Variants in PARD3 observed in about 807,000 individuals in gnomAD.
The protein encoded by PARD3 is par-3 family cell polarity regulator, also known as partitioning defective 3 homolog.
A neutral mutation model predicts 155.4 loss-of-function variants in PARD3; 75 were observed. The ratio of observed to expected loss-of-function variants is 0.48; its 90% CI spans 0.40 to 0.58. PARD3 has a LOEUF of 0.58. Among genes scored for constraint, PARD3 ranks in the 20% least tolerant of loss-of-function variants. The pLI, the probability that PARD3 is intolerant of heterozygous loss-of-function variation, is 0.00. For synonymous variants in PARD3, 576 were observed against 610.5 expected (o/e 0.94, Z 0.83); for missense variants, 1,642 against 1,721.7 (o/e 0.95, Z 0.82).
In PARD3 at chr10:34,155,992, T is replaced by C. The variant is rs527583125; in HGVS notation, c.3420-24409A>G. On this transcript the variant is annotated intron_variant, in intron 22 of 24. Coordinates refer to ENST00000374788, the MANE Select transcript of PARD3 (RefSeq NM_001184785.2). The stretch of plus-strand genomic sequence containing the variant: ...AGCTCCCACCTGATCTGGAGGCTGC[T>C]CCCACTCTGATAATTTTAAGACAGT... Among the ~76,000 whole-genome samples, 4 of 152,226 alleles carry C rather than the reference T, an allele frequency of 2.6e-5. No homozygotes were observed. In the East Asian group the frequency reaches 7.7e-4, roughly 29 times the overall value.
intron 1 of PARD3, among the ~76,000 whole-genome samples, chr10:34,725,153 CAGAGAGAGAG>C (rs34163907): frequency 3.1e-5 from 4 of 127,466 alleles, no homozygotes; most frequent in African/African-American, 1.3e-4. Context: ...GTGTGTGTGA[CAGAGAGAGAG>C]AGAGAGAGAG....
At chr10:34,688,282 C>A (rs958746124) in intron 2 of PARD3, among the ~76,000 whole-genome samples, 1 of 152,158 alleles carries the variant, frequency 6.6e-6, no homozygotes, top group African/African-American at 2.4e-5. Context: ...TGCTGTACTA[C>A]CCACAGGGAA....
intron 22 of PARD3, among the ~76,000 whole-genome samples, chr10:34,210,422 T>TG (rs1379306119): frequency 6.6e-6 from 1 of 152,156 alleles, no homozygotes; most frequent in African/African-American, 2.4e-5. Flanking sequence ...AGACATTTGG[T>TG]GGGCAGAGTG....
intron 22 of PARD3, among the ~76,000 whole-genome samples, chr10:34,139,532 G>A (rs1264175699): frequency 6.6e-6 from 1 of 152,084 alleles, no homozygotes; most frequent in East Asian, 1.9e-4. Flanking sequence ...TATTTTACTT[G>A]TACCAATGGT....
intron 1 of PARD3, among the ~76,000 whole-genome samples, chr10:34,808,569 T>C (rs935942413): frequency 6.6e-6 from 1 of 152,128 alleles, no homozygotes; most frequent in Non-Finnish European, 1.5e-5. Flanking sequence ...GGGCTTAGCA[T>C]GCCATCTCCC....
At chr10:34,487,407 T>A (rs534867747) in intron 3 of PARD3, among the ~76,000 whole-genome samples, 35 of 151,936 alleles carry the variant, frequency 2.3e-4, no homozygotes, top group Non-Finnish European at 4.3e-4. Context: ...ATAAATAAAT[T>A]AAGAAAATGA....
At chr10:34,592,374 A>C (rs369782417) in intron 2 of PARD3, among the ~76,000 whole-genome samples, 1 of 152,236 alleles carries the variant, frequency 6.6e-6, no homozygotes, top group African/African-American at 2.4e-5. Context: ...CATGGACTGA[A>C]TAACTGACAT....
intron 2 of PARD3, among the ~76,000 whole-genome samples, chr10:34,687,043 T>C (rs911844479): frequency 6.6e-6 from 1 of 151,924 alleles, no homozygotes; most frequent in South Asian, 2.1e-4. Context: ...AGCAAGACTC[T>C]GTCTCAAAAA....
At chr10:34,408,152 A>G (rs1010901371) in intron 5 of PARD3, among the ~76,000 whole-genome samples, 2 of 152,148 alleles carry the variant, frequency 1.3e-5, no homozygotes, top group Non-Finnish European at 2.9e-5. Flanking sequence ...ATAAAAACTT[A>G]AAGTTATACT....
intron 2 of PARD3, among the ~76,000 whole-genome samples, chr10:34,628,404 T>A (rs2092090108): frequency 6.6e-6 from 1 of 152,224 alleles, no homozygotes; most frequent in Non-Finnish European, 1.5e-5. Context: ...CTGCTACAAT[T>A]TAGGTGAAGG....
At chr10:34,508,231 G>A (rs1443567605) in intron 3 of PARD3, among the ~76,000 whole-genome samples, 1 of 151,774 alleles carries the variant, frequency 6.6e-6, no homozygotes, top group Non-Finnish European at 1.5e-5. Context: ...CCAAGTAATG[G>A]ATAAAAATTA....
intron 1 of PARD3, among the ~76,000 whole-genome samples, chr10:34,736,175 G>A (rs1173043026): frequency 6.6e-6 from 1 of 151,146 alleles, no homozygotes; most frequent in Admixed American, 6.6e-5. Context: ...GGGACTACAG[G>A]TGCCCACCAC....
chr10:34,754,298 G>A (rs981118570), intron 1 of PARD3, among the ~76,000 whole-genome samples: 1 of 152,176 alleles, frequency 6.6e-6, no homozygotes, highest in Non-Finnish European at 1.5e-5. Flanking sequence ...GAACCACCAT[G>A]CCTGGCCTGG....
intron 1 of PARD3, among the ~76,000 whole-genome samples, chr10:34,800,769 C>G (rs1814955479): frequency 6.6e-6 from 1 of 152,066 alleles, no homozygotes; most frequent in Admixed American, 6.6e-5. Flanking sequence ...ACCTTCCCAA[C>G]AACCTCCTAA....
chr10:34,392,604 A>G (rs1842950549), intron 7 of PARD3, among the ~76,000 whole-genome samples: 1 of 152,166 alleles, frequency 6.6e-6, no homozygotes, highest in Non-Finnish European at 1.5e-5. Context: ...TTTTTCCTTA[A>G]GTCTTATGAT....
intron 22 of PARD3, among the ~76,000 whole-genome samples, chr10:34,168,923 T>C (rs1431279841): frequency 3.3e-5 from 5 of 152,234 alleles, no homozygotes; most frequent in Admixed American, 3.3e-4. Context: ...CTTTCTATAC[T>C]GGATTGCACC....
chr10:34,720,690 G>C (rs1254557146), intron 1 of PARD3, among the ~76,000 whole-genome samples: 1 of 152,008 alleles, frequency 6.6e-6, no homozygotes, highest in Non-Finnish European at 1.5e-5. Flanking sequence ...CCAGCTACTT[G>C]GGAGGCTGAG....
chr10:34,428,617 G>A (rs1388693368), intron 5 of PARD3, among the ~76,000 whole-genome samples: 1 of 152,166 alleles, frequency 6.6e-6, no homozygotes, highest in Non-Finnish European at 1.5e-5. Flanking sequence ...CCCCTTCACT[G>A]TTCAGAAAGA....
At chr10:34,433,450 T>C (rs992201260) in intron 5 of PARD3, among the ~76,000 whole-genome samples, 1 of 152,200 alleles carries the variant, frequency 6.6e-6, no homozygotes, top group African/African-American at 2.4e-5. Flanking sequence ...TGTTTCTCTT[T>C]CTAAGAGTTC....
Sources: gnomAD v4.1 joint callset for allele counts (sites outside exome capture counted in the v4.1 genomes callset) on GRCh38, gnomAD v4.1.1 for gene constraint, MANE v1.5 for transcripts, NCBI Gene and HGNC (gene_info 2026-07-23, HGNC 2026-07-21) for gene names.